Variants in RBFOX2 observed in about 807,000 individuals in gnomAD.
The protein encoded by RBFOX2 is RNA binding protein fox-1 homolog 2.
Under a neutral mutation model 49.1 loss-of-function variants are expected in RBFOX2, and 10 were observed. The observed-to-expected ratio is 0.20, with a 90% CI of 0.13 to 0.35. The LOEUF (loss-of-function observed/expected upper bound fraction) is 0.35, where lower values mean the gene tolerates loss of function less well. Ranked by LOEUF, RBFOX2 falls within the 10% of genes least tolerant of loss-of-function variation. The pLI, the probability that RBFOX2 is intolerant of heterozygous loss-of-function variation, is 1.00. For missense variants in RBFOX2, 323 were observed against 486.9 expected, an observed-to-expected ratio of 0.66 and a Z score of 3.17; for synonymous variants, 183 against 187.4, an observed-to-expected ratio of 0.98 and a Z score of 0.19.
At chr22:35,932,577 G>A (rs1026977589) in intron 1 of RBFOX2, among the ~76,000 whole-genome samples, 2 of 152,138 alleles carry the variant, frequency 1.3e-5, no homozygotes, top group South Asian at 2.1e-4. Flanking sequence ...TCATTGACAA[G>A]CATTTTAAAC....
intron 1 of RBFOX2, among the ~76,000 whole-genome samples, chr22:35,910,282 TA>T (rs1208555451): frequency 1.3e-5 from 2 of 152,234 alleles, no homozygotes; most frequent in African/African-American, 4.8e-5. Context: ...ATGGTCAAAT[TA>T]ACTTTGAGAA....
chr22:36,024,682 A>G (rs1026053346), intron 1 of RBFOX2, among the ~76,000 whole-genome samples: 1 of 151,848 alleles, frequency 6.6e-6, no homozygotes, highest in Admixed American at 6.6e-5. Flanking sequence ...CAGAGGTTGC[A>G]GTGAGCTGAG....
intron 1 of RBFOX2, among the ~76,000 whole-genome samples, chr22:35,973,369 A>G (rs2056982287): frequency 6.6e-6 from 1 of 152,248 alleles, no homozygotes; most frequent in African/African-American, 2.4e-5. Flanking sequence ...CAATTAGTTT[A>G]TATCCATAGA....
Position 35,840,531 on chromosome 22 carries a change from C to G in RBFOX2, c.-313G>C, listed in dbSNP as rs998339616. ...GAGCCCCACCTCTTCCTCCTCCCCC[C>G]ACCCCCTCCCAGCAGGCTGACATCT... On this transcript the variant is annotated 5_prime_UTR_variant, in exon 1 of 12. Transcript: ENST00000405409. The G allele has an allele frequency of 1.4e-5, 17 of 1,223,982 alleles. No homozygotes were observed. In the African/African-American group the frequency reaches 2.3e-4, roughly 16 times the overall value. 75.8% of individuals were successfully genotyped at this position (1,223,982 alleles called of 1,614,324 possible). A position where few individuals can be genotyped will look rare whatever the true frequency, so the allele number is the denominator to read the frequency against.
chr22:35,829,841 G>C (rs945486451), intron 1 of RBFOX2, among the ~76,000 whole-genome samples: 10 of 152,034 alleles, frequency 6.6e-5, no homozygotes, highest in African/African-American at 2.4e-4. Context: ...CCTTTCCCCA[G>C]TTGCGGGAGT....
chr22:36,018,879 G>A (rs751666730), intron 1 of RBFOX2, among the ~76,000 whole-genome samples: 1 of 152,138 alleles, frequency 6.6e-6, no homozygotes, highest in Non-Finnish European at 1.5e-5. Flanking sequence ...CTCCCAAAGT[G>A]CTGGGATTAC....
intron 1 of RBFOX2, among the ~76,000 whole-genome samples, chr22:35,838,436 C>G (rs143262048): frequency 2.0e-5 from 3 of 151,900 alleles, no homozygotes; most frequent in African/African-American, 7.2e-5. Context: ...AGGTGATCGG[C>G]GATCAGAGGG....
intron 1 of RBFOX2, among the ~76,000 whole-genome samples, chr22:35,947,674 A>T (rs2054461818): frequency 1.0e-5 from 1 of 96,000 alleles, no homozygotes; most frequent in Admixed American, 8.7e-5. Context: ...TTAAAAAGTA[A>T]AAAAAAAAAA....
At chr22:35,961,029 A>T (rs1052486841) in intron 1 of RBFOX2, among the ~76,000 whole-genome samples, 1 of 152,166 alleles carries the variant, frequency 6.6e-6, no homozygotes, top group African/African-American at 2.4e-5. Flanking sequence ...CAGCACAAAC[A>T]TGCATATGTT....
intron 9 of RBFOX2, among the ~76,000 whole-genome samples, chr22:35,751,698 T>C (rs1569231782): frequency 6.6e-6 from 1 of 152,246 alleles, no homozygotes; most frequent in African/African-American, 2.4e-5. Flanking sequence ...CTGCTTTTGA[T>C]TGAGCTCTGT....
At chr22:35,806,323 GAT>G (rs1950726593) in intron 2 of RBFOX2, among the ~76,000 whole-genome samples, 1 of 151,916 alleles carries the variant, frequency 6.6e-6, no homozygotes, top group African/African-American at 2.4e-5. Context: ...AACAACGTAA[GAT>G]TGTTTAAAGT....
At chr22:36,009,222 A>G (rs1212779123) in intron 1 of RBFOX2, among the ~76,000 whole-genome samples, 1 of 152,212 alleles carries the variant, frequency 6.6e-6, no homozygotes, top group East Asian at 1.9e-4. Context: ...ATAACAACAG[A>G]TAACACAAAA....
At chr22:35,895,325 C>T (rs914381601) in intron 1 of RBFOX2, among the ~76,000 whole-genome samples, 1 of 152,136 alleles carries the variant, frequency 6.6e-6, no homozygotes, top group African/African-American at 2.4e-5. Flanking sequence ...GTTCTTTAAA[C>T]ATGAATGAAG....
intron 1 of RBFOX2, among the ~76,000 whole-genome samples, chr22:35,900,996 G>C (rs2048498445): frequency 6.6e-6 from 1 of 152,146 alleles, no homozygotes; most frequent in African/African-American, 2.4e-5. Flanking sequence ...CCACTTGCTG[G>C]TTTCAATGTA....
chr22:35,797,424 T>TGAAG (rs1297584759), intron 2 of RBFOX2, among the ~76,000 whole-genome samples: 1 of 152,254 alleles, frequency 6.6e-6, no homozygotes, highest in African/African-American at 2.4e-5. Flanking sequence ...GTAACACAAG[T>TGAAG]GCTTTATGAA....
intron 1 of RBFOX2, among the ~76,000 whole-genome samples, chr22:35,855,319 T>C (rs1360052368): frequency 6.6e-6 from 1 of 152,206 alleles, no homozygotes; most frequent in Non-Finnish European, 1.5e-5. Context: ...TTAAAGTTCA[T>C]GTGTCCTGAT....
Position 35,858,142 on chromosome 22 carries a change from C to T in RBFOX2, c.-33-48138G>A, listed in dbSNP as rs184476776. On this transcript the variant is annotated intron_variant, in intron 1 of 13. Transcript: ENST00000359369. The stretch of plus-strand genomic sequence containing the variant: ...ACTCATGGTCAGAATGAAAAATAGA[C>T]AAAATGCCTGCATATAAATTTTAAC... Among the ~76,000 whole-genome samples the T allele has an allele frequency of 9.9e-5, 15 of 152,240 alleles. No homozygotes were observed. The East Asian group carries it at 2.9e-3, about 29-fold the overall frequency.
At chr22:35,751,306 T>C (rs942914159) in intron 9 of RBFOX2, among the ~76,000 whole-genome samples, 1 of 152,104 alleles carries the variant, frequency 6.6e-6, no homozygotes, top group Non-Finnish European at 1.5e-5. Flanking sequence ...ACAATGACAT[T>C]ATGTGACACT....
chr22:36,022,714 G>A (rs2059290312), intron 1 of RBFOX2, among the ~76,000 whole-genome samples: 1 of 152,156 alleles, frequency 6.6e-6, no homozygotes, highest in Non-Finnish European at 1.5e-5. Context: ...TCTAGAATTA[G>A]CTTCAGATTG....
Sources: allele counts gnomAD v4.1 joint callset (sites outside exome capture counted in the v4.1 genomes callset), GRCh38; gene constraint gnomAD v4.1.1; transcripts MANE v1.5; gene names NCBI Gene and HGNC (gene_info 2026-07-23, HGNC 2026-07-21).